The following VEGFC variants were observed in gnomAD, a reference collection of about 807,000 sequenced individuals.
VEGFC encodes the protein FLT4 ligand DHM.
A neutral mutation model predicts 46.1 loss-of-function variants in VEGFC; 12 were observed. The ratio of observed to expected loss-of-function variants is 0.26; its 90% CI spans 0.17 to 0.42. The LOEUF (loss-of-function observed/expected upper bound fraction) is 0.42. VEGFC is among the 10% of genes least tolerant of loss of function. The pLI is 1.00. For missense variants in VEGFC, 488 were observed against 529.4 expected (o/e 0.92, Z 0.77); for synonymous variants, 232 against 195.5 (o/e 1.19, Z -1.56).
rs890850855 is a variant in VEGFC at position 176,688,722 on chromosome 4, A to G, written c.705-795T>C. 1.7e-4 allele frequency among the ~76,000 whole-genome samples: 26 copies of G among 152,014 alleles called. 1 individual carries two copies. The highest frequency in any genetic ancestry group is 5.8e-4 in the African/African-American group (24 of 41,442). On this transcript the variant is annotated intron_variant, in intron 4 of 6. Coordinates refer to ENST00000618562, the MANE Select transcript of VEGFC (RefSeq NM_005429.5). Reference sequence around the variant, plus strand: ...CCCTAATTGCTCCTTTGATGGTCCAATGGCCCCACTGTTGCTACCTGAGAC... The same window carrying G: ...CCCTAATTGCTCCTTTGATGGTCCAGTGGCCCCACTGTTGCTACCTGAGAC...
chr4:176,720,917 A>AAGATAC (rs1415012917), intron 3 of VEGFC, among the ~76,000 whole-genome samples: 42 of 150,818 alleles, frequency 2.8e-4, no homozygotes, highest in African/African-American at 9.7e-4. Flanking sequence ...TAATGATGCT[A>AAGATAC]AGATACAGCA....
rs142138849 is a variant in VEGFC, at chr4:176,715,322, C to T, written c.553-3672G>A. 7.0e-4 allele frequency among the ~76,000 whole-genome samples: 107 copies of T among 152,160 alleles called. No individual in the cohort carries two copies. The East Asian group carries it at 0.014, about 20-fold the overall frequency. On this transcript the variant is annotated intron_variant, in intron 3 of 6. Transcript: ENST00000618562. The stretch of plus-strand genomic sequence containing the variant: ...TCCTCTATCCCTAAATTTTGACCTG[C>T]TACTTGATGATACCAGTGTGAAAAA...
At position 176,756,442 on chromosome 4, in the gene VEGFC, G is replaced by A. The variant is rs566519268; in HGVS notation, c.148-26696C>T. ...GGCTACTTTAGAACAGATAAGGAAG[G>A]GTAGATTCCCTTAAGGAATTGGTAG... On this transcript the variant is annotated intron_variant, in intron 1 of 6. Transcript: ENST00000618562. Among the ~76,000 whole-genome samples the A allele has an allele frequency of 2.5e-4, 38 of 152,070 alleles. 1 individual carries two copies. The highest frequency in any genetic ancestry group is 8.9e-4 in the African/African-American group (37 of 41,540).
At chr4:176,776,887 G>C (rs948145606) in intron 1 of VEGFC, among the ~76,000 whole-genome samples, 1 of 152,096 alleles carries the variant, frequency 6.6e-6, no homozygotes, top group Admixed American at 6.6e-5. Context: ...AATATTTATA[G>C]TTATTCCATT....
chr4:176,716,847 G>A (rs1041100843), intron 3 of VEGFC, among the ~76,000 whole-genome samples: 3 of 151,468 alleles, frequency 2.0e-5, no homozygotes, highest in Non-Finnish European at 2.9e-5. Context: ...ACAGTAAGTA[G>A]ATTATTTTAA....
At chr4:176,785,199 G>C (rs1256920873) in intron 1 of VEGFC, among the ~76,000 whole-genome samples, 1 of 152,076 alleles carries the variant, frequency 6.6e-6, no homozygotes, top group Non-Finnish European at 1.5e-5. Context: ...GGTAATTTAG[G>C]GATGAAGTTT....
intron 4 of VEGFC, chr4:176,689,510 G>A (rs1560933383): frequency 6.6e-6 from 1 of 152,128 alleles, no homozygotes; most frequent in Admixed American, 6.5e-5. Context: ...ACACAGACAT[G>A]GGGAAGGTCT....
chr4:176,718,099 A>G (rs1214692186), intron 3 of VEGFC, among the ~76,000 whole-genome samples: 1 of 152,134 alleles, frequency 6.6e-6, no homozygotes, highest in East Asian at 1.9e-4. Flanking sequence ...GGGTTGGAAA[A>G]AAGTGGTATT....
At chr4:176,750,805 G>GT (rs149628049) in intron 1 of VEGFC, among the ~76,000 whole-genome samples, 6,596 of 151,708 alleles carry the variant, frequency 0.043, 452 homozygotes, top group African/African-American at 0.15. Context: ...CAGAACCAAT[G>GT]TTTTTTTACC....
At chr4:176,693,862 A>G (rs1734256810) in intron 4 of VEGFC, among the ~76,000 whole-genome samples, 1 of 150,076 alleles carries the variant, frequency 6.7e-6, no homozygotes, top group African/African-American at 2.5e-5. Flanking sequence ...CCAGAATTTC[A>G]TATCCAGCCA....
At chr4:176,775,321 A>G (rs541784908) in intron 1 of VEGFC, among the ~76,000 whole-genome samples, 1 of 152,370 alleles carries the variant, frequency 6.6e-6, no homozygotes, top group South Asian at 2.1e-4. Flanking sequence ...AATAATTTAA[A>G]CAAGATTATA....
At chr4:176,728,232 C>A (rs867162727) in intron 2 of VEGFC, among the ~76,000 whole-genome samples, 5 of 152,196 alleles carry the variant, frequency 3.3e-5, no homozygotes, top group Middle Eastern at 6.8e-3. Context: ...TAAAAGTACA[C>A]CAATATCCCA....
At chr4:176,764,863 TAAG>T (rs1428587737) in intron 1 of VEGFC, among the ~76,000 whole-genome samples, 1 of 151,840 alleles carries the variant, frequency 6.6e-6, no homozygotes, top group African/African-American at 2.4e-5. Context: ...TTTCAGCAAA[TAAG>T]AAAAATATCC....
intron 3 of VEGFC, among the ~76,000 whole-genome samples, chr4:176,726,407 C>T (rs1560946991): frequency 5.3e-5 from 2 of 37,420 alleles, no homozygotes; most frequent in African/African-American, 1.1e-4. Context: ...CCCAAAGCAT[C>T]ACCTTTTAAT....
chr4:176,750,759 A>G (rs1735328802), intron 1 of VEGFC, among the ~76,000 whole-genome samples: 1 of 151,822 alleles, frequency 6.6e-6, no homozygotes, highest in African/African-American at 2.4e-5. Context: ...CTGGGTTCCA[A>G]AAGATCACAA....
intron 3 of VEGFC, among the ~76,000 whole-genome samples, chr4:176,725,071 T>A (rs1734850996): frequency 6.6e-6 from 1 of 152,198 alleles, no homozygotes; most frequent in Non-Finnish European, 1.5e-5. Context: ...AGAAGTACTG[T>A]ATTGTTCCCA....
At chr4:176,688,120 A>T (rs959020492) in intron 4 of VEGFC, among the ~76,000 whole-genome samples, 193 bp from the exon 5 acceptor site, 8 of 152,236 alleles carry the variant, frequency 5.3e-5, no homozygotes, top group Admixed American at 4.6e-4. Context: ...CCCAGAGGTG[A>T]TCACTGTTTG....
chr4:176,695,057 A>G (rs1734283432), intron 4 of VEGFC, among the ~76,000 whole-genome samples: 1 of 131,724 alleles, frequency 7.6e-6, no homozygotes, highest in African/African-American at 3.1e-5. Context: ...CCCTAACATC[A>G]CAATTAAAAG....
chr4:176,690,328 C>CTT (rs201626928), intron 4 of VEGFC, among the ~76,000 whole-genome samples: 20 of 140,900 alleles, frequency 1.4e-4, no homozygotes, highest in Non-Finnish European at 2.8e-4. Flanking sequence ...CAGCAAGTTT[C>CTT]TTTTTTTTTT....
Sources: gnomAD v4.1 joint callset for allele counts (sites outside exome capture counted in the v4.1 genomes callset) on GRCh38, gnomAD v4.1.1 for gene constraint, MANE v1.5 for transcripts, NCBI Gene and HGNC (gene_info 2026-07-23, HGNC 2026-07-21) for gene names.